SETBP1: variants seen among roughly 807,000 people sequenced by gnomAD.
The protein encoded by SETBP1 is SET binding protein 1, also known as SET-binding protein.
A neutral mutation model predicts 101.0 loss-of-function variants in SETBP1; 9 were observed. The ratio of observed to expected loss-of-function variants is 0.09; its 90% CI spans 0.05 to 0.16. The LOEUF is 0.16. Among genes scored for constraint, SETBP1 ranks in the 10% least tolerant of loss-of-function variants. The pLI, the probability that SETBP1 is intolerant of heterozygous loss-of-function variation, is 1.00. For synonymous variants in SETBP1, 818 were observed against 788.5 expected (o/e 1.04, Z -0.63); for missense variants, 1,858 against 2,033.8 (o/e 0.91, Z 1.66).
chr18:44,833,586 CA>C (rs999396517), intron 2 of SETBP1, among the ~76,000 whole-genome samples: 23 of 152,280 alleles, frequency 1.5e-4, no homozygotes, highest in African/African-American at 5.3e-4. Flanking sequence ...GCCCAGGAAA[CA>C]ATGGTCAAGA....
chr18:44,885,854 AAAC>A (rs869266020), intron 3 of SETBP1, among the ~76,000 whole-genome samples: 62 of 41,384 alleles, frequency 1.5e-3, no homozygotes, highest in African/African-American at 5.3e-3. Context: ...AAAAAAAAAA[AAAC>A]AAAAAAAAAA....
chr18:44,937,071 A>G (rs2070974146), intron 3 of SETBP1, among the ~76,000 whole-genome samples: 1 of 152,226 alleles, frequency 6.6e-6, no homozygotes, highest in Non-Finnish European at 1.5e-5. Flanking sequence ...TAAAATAGCT[A>G]TATTTATATA....
At chr18:44,915,342 A>C (rs1599315929) in intron 3 of SETBP1, among the ~76,000 whole-genome samples, 2 of 152,306 alleles carry the variant, frequency 1.3e-5, no homozygotes, top group East Asian at 3.9e-4. Context: ...CTTCCAGGCT[A>C]AAGGATCTTG....
intron 2 of SETBP1, among the ~76,000 whole-genome samples, chr18:44,788,770 A>AT (rs920785168): frequency 2.6e-4 from 32 of 125,128 alleles, no homozygotes; most frequent in African/African-American, 3.8e-4. Context: ...AGAGAAACTG[A>AT]TTTTTTTTTT....
rs1052765367 is a variant in SETBP1, at chr18:44,821,207, C to T, written c.487-48023C>T. On this transcript the variant is annotated intron_variant, in intron 2 of 5. Transcript: ENST00000649279. ...ATACGTGAAATCAGGACGTTAACTC[C>T]TTCTCTGCCCACCTTCCAGCAAAGG... Among the ~76,000 whole-genome samples the T allele has an allele frequency of 2.0e-5, 3 of 152,158 alleles. No homozygotes were observed. The East Asian group carries it at 5.8e-4, about 29-fold the overall frequency.
At chr18:44,824,589 A>G (rs566763630) in intron 2 of SETBP1, among the ~76,000 whole-genome samples, 1 of 152,346 alleles carries the variant, frequency 6.6e-6, no homozygotes, top group African/African-American at 2.4e-5. Context: ...ACGGTGTAAC[A>G]TAACACTGCC....
At chr18:44,705,487 C>T (rs1003881593) in intron 2 of SETBP1, among the ~76,000 whole-genome samples, 2 of 152,144 alleles carry the variant, frequency 1.3e-5, no homozygotes, top group Non-Finnish European at 2.9e-5. Flanking sequence ...ATAATTCAGC[C>T]TCCAAGTTTG....
chr18:44,787,888 G>T (rs1599128115), intron 2 of SETBP1, among the ~76,000 whole-genome samples: 10 of 92,360 alleles, frequency 1.1e-4, no homozygotes, highest in South Asian at 3.8e-4. Flanking sequence ...AAAGAAAATT[G>T]TTCTCTAAGG....
chr18:44,712,119 C>T (rs2615000), intron 2 of SETBP1, among the ~76,000 whole-genome samples: 24,056 of 152,154 alleles, frequency 0.16, 1,896 homozygotes, highest in Admixed American at 0.17. Context: ...TGATAATCAT[C>T]ATTAGTATCA....
intron 4 of SETBP1, among the ~76,000 whole-genome samples, chr18:44,985,625 A>G (rs898607264): frequency 6.6e-6 from 1 of 152,180 alleles, no homozygotes; most frequent in African/African-American, 2.4e-5. Context: ...ACTTAAATCT[A>G]CAGTACAACT....
intron 1 of SETBP1, among the ~76,000 whole-genome samples, chr18:44,693,052 G>A (rs1425505948): frequency 6.6e-6 from 1 of 152,226 alleles, no homozygotes; most frequent in Non-Finnish European, 1.5e-5. Context: ...AGAGAACCAT[G>A]GTGTAGAGCT....
At chr18:44,802,001 G>A (rs2071617623) in intron 2 of SETBP1, among the ~76,000 whole-genome samples, 1 of 152,146 alleles carries the variant, frequency 6.6e-6, no homozygotes, top group Admixed American at 6.5e-5. Flanking sequence ...GAATTAGACA[G>A]CCTGTAGGTG....
intron 1 of SETBP1, among the ~76,000 whole-genome samples, chr18:44,697,808 A>C (rs1471331140): frequency 6.6e-6 from 1 of 152,210 alleles, no homozygotes; most frequent in Non-Finnish European, 1.5e-5. Flanking sequence ...GTTGCCATGG[A>C]GAATTGAAGA....
intron 3 of SETBP1, among the ~76,000 whole-genome samples, chr18:44,933,339 G>A (rs574856989): frequency 5.9e-5 from 9 of 152,310 alleles, no homozygotes; most frequent in Non-Finnish European, 8.8e-5. Flanking sequence ...GCACCCAGCC[G>A]TATGAGGTGT....
At chr18:44,701,978 G>A (rs1486324612) in intron 2 of SETBP1, 146 bp downstream of exon 2, 2 of 935,466 alleles carry the variant, frequency 2.1e-6, no homozygotes, top group African/African-American at 1.7e-5. Flanking sequence ...AGTTAAATCT[G>A]TGTGTAACTT....
intron 2 of SETBP1, among the ~76,000 whole-genome samples, chr18:44,714,398 T>C (rs1220419183): frequency 6.6e-6 from 1 of 152,090 alleles, no homozygotes; most frequent in African/African-American, 2.4e-5. Context: ...GATGGGGTTT[T>C]GCCACGTTGG....
At chr18:44,956,061 A>G (rs753618703) in intron 4 of SETBP1, among the ~76,000 whole-genome samples, 4 of 152,120 alleles carry the variant, frequency 2.6e-5, no homozygotes, top group South Asian at 2.1e-4. Context: ...TCTGTCCTCT[A>G]TGAGGTTATT....
chr18:44,975,060 C>G (rs1430911200), intron 4 of SETBP1, among the ~76,000 whole-genome samples: 1 of 152,176 alleles, frequency 6.6e-6, no homozygotes, highest in Non-Finnish European at 1.5e-5. Flanking sequence ...CAATGCCACA[C>G]AAGGTGTGTA....
At chr18:45,047,891 T>C (rs1226486805) in intron 5 of SETBP1, among the ~76,000 whole-genome samples, 2 of 152,146 alleles carry the variant, frequency 1.3e-5, no homozygotes, top group African/African-American at 2.4e-5. Flanking sequence ...GTCTGCTCTC[T>C]CCATTCTCTC....
Sources: gnomAD v4.1 joint callset for allele counts (sites outside exome capture counted in the v4.1 genomes callset) on GRCh38, gnomAD v4.1.1 for gene constraint, MANE v1.5 for transcripts, NCBI Gene and HGNC (gene_info 2026-07-23, HGNC 2026-07-21) for gene names.